Variants in GPR155 observed in about 807,000 individuals in gnomAD.
The protein encoded by GPR155 is G protein-coupled receptor 155.
Under a neutral mutation model 93.1 loss-of-function variants are expected in GPR155, and 65 were observed. That is an observed-to-expected ratio of 0.70 (90% CI 0.57 to 0.86). The LOEUF (loss-of-function observed/expected upper bound fraction) is 0.86. Among genes scored for constraint, GPR155 ranks in the 40% least tolerant of loss-of-function variants. The pLI, the probability that GPR155 is intolerant of heterozygous loss-of-function variation, is 0.00. For synonymous variants in GPR155, 319 were observed against 360.1 expected (o/e 0.89, Z 1.29); for missense variants, 838 against 1,034.8 (o/e 0.81, Z 2.61).
intron 7 of GPR155, among the ~76,000 whole-genome samples, chr2:174,463,490 T>G (rs1687758200): frequency 6.6e-6 from 1 of 152,212 alleles, no homozygotes; most frequent in Non-Finnish European, 1.5e-5. Context: ...CATGAGCCAC[T>G]GTGCCTGGCC....
intron 10 of GPR155, among the ~76,000 whole-genome samples, chr2:174,454,364 C>T (rs903522758): frequency 1.3e-5 from 2 of 152,030 alleles, no homozygotes; most frequent in Non-Finnish European, 2.9e-5. Flanking sequence ...CTAGAACTCC[C>T]GACCTCAGGC....
At chr2:174,458,027 A>G (rs1302253554) in intron 10 of GPR155, among the ~76,000 whole-genome samples, 1 of 152,178 alleles carries the variant, frequency 6.6e-6, no homozygotes, top group Non-Finnish European at 1.5e-5. Context: ...GTGAGCAACC[A>G]TACCCAGCTT....
In GPR155 at chr2:174,436,277, T is replaced by A; in HGVS notation, c.2452A>T (p.Ile818Phe). ...RLVQGGVIQH[I>F]TNEYEFRDEY... Reference sequence around the variant, plus strand: ...TCCCGGAATTCATACTCGTTGGTAATATGTTGGATGACTCCCCCTTGTACC... The same window carrying A: ...TCCCGGAATTCATACTCGTTGGTAAAATGTTGGATGACTCCCCCTTGTACC... Residue 818 changes from isoleucine (I) to phenylalanine (F), a missense_variant, in exon 16 of 16, where the codon ATT (isoleucine) becomes TTT (phenylalanine). Coordinates refer to ENST00000392552, the MANE Select transcript of GPR155 (RefSeq NM_152529.7). 1 of 1,614,176 alleles carries A rather than the reference T, an allele frequency of 6.2e-7. No individual in the cohort carries two copies. Among genetic ancestry groups the A allele is most frequent in the African/African-American group, 1.3e-5 (1 of 75,044 alleles).
intron 10 of GPR155, 146 bp downstream of exon 10, chr2:174,459,732 C>G (rs1233775264): frequency 1.7e-6 from 1 of 597,072 alleles, no homozygotes; most frequent in Non-Finnish European, 2.9e-6. Context: ...GTAGTCCTAG[C>G]TACTCTGGAG....
In GPR155 at chr2:174,459,895, C is replaced by G; in HGVS notation, c.1754G>C (p.Ser585Thr). ...APVNEPELFTSSIPETSCCSC... is the reference protein window; with the variant it reads ...APVNEPELFTTSIPETSCCSC... The stretch of plus-strand genomic sequence containing the variant: ...GATCATACTTGTTTCTGGAATAGAG[C>G]TTGTAAAAAGTTCTGGTTCATTTAC... Residue 585 changes from serine (S) to threonine (T), a missense_variant, in exon 10 of 16, where the codon AGC becomes ACC. Ser to Thr is a moderately conservative substitution (Grantham distance 58, BLOSUM62 1). Coordinates refer to ENST00000392552, the MANE Select transcript of GPR155 (RefSeq NM_152529.7). 6.2e-7 allele frequency: 1 copy of G among 1,609,646 alleles called. No individual in the cohort carries two copies. The highest frequency in any genetic ancestry group is 8.5e-7 in the Non-Finnish European group (1 of 1,176,080).
intron 9 of GPR155, among the ~76,000 whole-genome samples, chr2:174,461,157 A>G (rs1377707474): frequency 1.3e-5 from 2 of 152,188 alleles, no homozygotes; most frequent in Non-Finnish European, 2.9e-5. Flanking sequence ...AGGAAACACA[A>G]TTCCTAAGTG....
intron 12 of GPR155, chr2:174,445,420 A>G (rs1687092117): frequency 3.0e-6 from 1 of 331,764 alleles, no homozygotes; most frequent in Non-Finnish European, 5.5e-6. Context: ...CATGAGCCAT[A>G]ATACAGAAGC....
At position 174,460,081 on chromosome 2, in the gene GPR155, G is replaced by A. The variant is rs758332866; in HGVS notation, c.1568C>T (p.Thr523Ile). 6.2e-7 allele frequency: 1 copy of A among 1,611,938 alleles called. No homozygotes were observed. The highest frequency in any genetic ancestry group is 8.5e-7 in the Non-Finnish European group (1 of 1,179,236). ...GCTGCAGAACAGGGTGACTGCTGTG[G>A]TGATCATCTGCCGACATGAAAAAAA... ...AFFYGKEQMI[T>I]TAVTLFCSIL... is the part of the protein sequence containing the mutation. Residue 523 changes from threonine (T) to isoleucine (I), a missense_variant, in exon 10 of 16, where the codon ACC becomes ATC. By Grantham distance (89) the Thr-to-Ile change is moderately conservative. Around this residue, in one of 3 missense-constraint regions of GPR155, gnomAD observed 663 missense variants for 790.1 expected, o/e 0.84. Transcript: ENST00000392552.
At chr2:174,462,351 C>T (rs1238755878) in intron 7 of GPR155, among the ~76,000 whole-genome samples, 3 of 152,072 alleles carry the variant, frequency 2.0e-5, no homozygotes, top group Admixed American at 2.0e-4. Flanking sequence ...TACTCCGTTG[C>T]CCAGGCTGGA....
Position 174,458,880 on chromosome 2 carries a change from G to C in GPR155, c.1771+998C>G, listed in dbSNP as rs149664709. On this transcript the variant is annotated intron_variant, in intron 10 of 15. Transcript: ENST00000392552. ...AGGCGGGTGGATCACCTGAGGTCAG[G>C]AGTTCTAGACCAGCCTGACCAATAT... is the stretch of plus-strand genomic sequence containing the variant. Among the ~76,000 whole-genome samples the C allele has an allele frequency of 3.2e-3, 480 of 152,070 alleles. 1 individual carries two copies. Among genetic ancestry groups the C allele is most frequent in the African/African-American group, 0.011 (469 of 41,474 alleles).
At chr2:174,444,234 G>A (rs1341749848) in intron 13 of GPR155, among the ~76,000 whole-genome samples, 1 of 151,878 alleles carries the variant, frequency 6.6e-6, no homozygotes, top group African/African-American at 2.4e-5. Context: ...CTGAGCAACT[G>A]GAGAAACCCC....
chr2:174,459,814 C>G (rs887691269), intron 10 of GPR155, 64 bp downstream of exon 10: 1 of 1,258,546 alleles, frequency 7.9e-7, no homozygotes, highest in African/African-American at 1.5e-5. Flanking sequence ...CACTGCACTC[C>G]AGCCGGGATG....
chr2:174,445,008 C>A, intron 13 of GPR155, 73 bp downstream of exon 13: 1 of 756,526 alleles, frequency 1.3e-6, no homozygotes, highest in Non-Finnish European at 2.4e-6. Context: ...CCACTCCCCG[C>A]TTCCCCCGAC....
At chr2:174,452,866 G>A (rs2105692067) in intron 11 of GPR155, among the ~76,000 whole-genome samples, 1 of 152,230 alleles carries the variant, frequency 6.6e-6, no homozygotes, top group Non-Finnish European at 1.5e-5. Context: ...TGGCCAGGCT[G>A]GTCTCGAACT....
intron 11 of GPR155, among the ~76,000 whole-genome samples, chr2:174,447,173 C>A (rs1687156548): frequency 6.6e-6 from 1 of 151,496 alleles, no homozygotes; most frequent in African/African-American, 2.4e-5. Flanking sequence ...CTCATCCCTA[C>A]TAAAAATACA....
At chr2:174,475,683 G>A (rs920707320) in intron 2 of GPR155, among the ~76,000 whole-genome samples, 1 of 151,984 alleles carries the variant, frequency 6.6e-6, no homozygotes, top group East Asian at 1.9e-4. Flanking sequence ...GGTTTCATAA[G>A]GCTTCATCTT....
chr2:174,454,075 C>T (rs1455299019), intron 10 of GPR155, among the ~76,000 whole-genome samples: 1 of 152,176 alleles, frequency 6.6e-6, no homozygotes, highest in Non-Finnish European at 1.5e-5. Context: ...GTAGCTTACA[C>T]CTGTTGCTTC....
chr2:174,454,952 G>A (rs1234674642), intron 10 of GPR155, among the ~76,000 whole-genome samples: 1 of 152,036 alleles, frequency 6.6e-6, no homozygotes, highest in Admixed American at 6.6e-5. Flanking sequence ...GCAGGGATGG[G>A]GTCAACAGGT....
intron 2 of GPR155, among the ~76,000 whole-genome samples, chr2:174,474,281 C>A (rs962355128): frequency 6.6e-6 from 1 of 152,150 alleles, no homozygotes; most frequent in African/African-American, 2.4e-5. Flanking sequence ...GCCAGTCCTA[C>A]CTTCCACTGC....
Sources: allele counts gnomAD v4.1 joint callset (sites outside exome capture counted in the v4.1 genomes callset), GRCh38; gene constraint gnomAD v4.1.1; regional missense constraint gnomAD v4.1.1; transcripts MANE v1.5; gene names NCBI Gene and HGNC (gene_info 2026-07-23, HGNC 2026-07-21).